Variants in DMD observed in about 807,000 individuals in gnomAD.
DMD encodes dystrophin, also known as mutant dystrophin.
A neutral mutation model predicts 330.1 loss-of-function variants in DMD; 63 were observed. The ratio of observed to expected loss-of-function variants is 0.19; its 90% confidence interval spans 0.16 to 0.24. The LOEUF (loss-of-function observed/expected upper bound fraction) is 0.24, where lower values mean the gene tolerates loss of function less well. Among genes scored for constraint, DMD ranks in the 10% least tolerant of loss-of-function variants. The pLI is 1.00. For synonymous variants in DMD, 1,223 were observed against 959.8 expected, an observed-to-expected ratio of 1.27 and a Z score of -5.07; for missense variants, 3,344 against 2,684.1, an observed-to-expected ratio of 1.25 and a Z score of -5.43.
intron 26 of DMD, among the ~76,000 whole-genome samples, chrX:32,450,387 T>C (rs766491967): frequency 2.7e-5 from 3 of 111,590 alleles, no homozygotes; most frequent in South Asian, 7.3e-4. Flanking sequence ...TTTTAATTGA[T>C]TGAAATCTTT....
At chrX:33,006,018 A>G (rs2093388541) in intron 2 of DMD, among the ~76,000 whole-genome samples, 1 of 111,726 alleles carries the variant, frequency 9.0e-6, no homozygotes, top group Non-Finnish European at 1.9e-5. Flanking sequence ...TTTCAAAAAT[A>G]AAATACTGAG....
chrX:31,749,204 A>G (rs997159645), intron 51 of DMD, among the ~76,000 whole-genome samples: 2 of 108,475 alleles, frequency 1.8e-5, no homozygotes, highest in Non-Finnish European at 3.8e-5. Flanking sequence ...CAGGTTAGTT[A>G]CATATGTATA....
chrX:31,854,572 A>G (rs746327658), intron 48 of DMD, among the ~76,000 whole-genome samples: 3 of 111,859 alleles, frequency 2.7e-5, no homozygotes, highest in Non-Finnish European at 3.8e-5. Context: ...ACGAAAGGTC[A>G]GAAACTTGCC....
intron 41 of DMD, among the ~76,000 whole-genome samples, chrX:32,322,881 CATG>C (rs778432858): frequency 3.6e-5 from 4 of 111,933 alleles, no homozygotes; most frequent in Non-Finnish European, 5.6e-5. Context: ...ATAAATCCAT[CATG>C]ATGACTGCAA....
intron 2 of DMD, among the ~76,000 whole-genome samples, chrX:32,900,227 G>C (rs756381177): frequency 1.1e-4 from 12 of 111,983 alleles, no homozygotes; most frequent in Non-Finnish European, 1.9e-4. Context: ...TGGTAAAATT[G>C]TGTTGGTATG....
At chrX:32,062,917 GA>G (rs11418420) in intron 44 of DMD, among the ~76,000 whole-genome samples, 8 of 105,958 alleles carry the variant, frequency 7.6e-5, no homozygotes, top group Admixed American at 2.0e-4. Context: ...TTATTGAAAG[GA>G]AAAAAAAACA....
chrX:32,588,406 T>C (rs2054526630), intron 13 of DMD, among the ~76,000 whole-genome samples: 1 of 111,810 alleles, frequency 8.9e-6, no homozygotes, highest in Non-Finnish European at 1.9e-5. Context: ...AGCAGAGTCG[T>C]CTGTTTAAAC....
chrX:32,273,247 T>G (rs1265512075), intron 43 of DMD, among the ~76,000 whole-genome samples: 4 of 108,260 alleles, frequency 3.7e-5, no homozygotes, highest in Non-Finnish European at 1.9e-5. Flanking sequence ...AAGACAAAGT[T>G]GCCCTTTTTA....
intron 46 of DMD, among the ~76,000 whole-genome samples, chrX:31,931,092 G>A (rs758990626): frequency 8.9e-6 from 1 of 111,901 alleles, no homozygotes; most frequent in African/African-American, 3.2e-5. Context: ...TAAAGCACCT[G>A]AATCATTGAT....
intron 41 of DMD, among the ~76,000 whole-genome samples, chrX:32,332,413 A>AGTGTGTGTGAGTGTGT (rs1557283126): frequency 1.0e-5 from 1 of 95,342 alleles, no homozygotes; most frequent in African/African-American, 3.9e-5. Context: ...ATGGATAAAA[A>AGTGTGTGTGAGTGTGT]GTGTGTGTGT....
At chrX:32,379,040 TAAA>T (rs5902029) in intron 34 of DMD, among the ~76,000 whole-genome samples, 2 of 99,884 alleles carry the variant, frequency 2.0e-5, no homozygotes, top group African/African-American at 3.6e-5. Flanking sequence ...AATAAATTGG[TAAA>T]AAAAAAAAAA....
intron 41 of DMD, among the ~76,000 whole-genome samples, chrX:32,328,126 A>T (rs1291146670): frequency 9.0e-6 from 1 of 111,593 alleles, no homozygotes; most frequent in African/African-American, 3.2e-5. Context: ...AAGCATGCAT[A>T]ATAACATTAA....
chrX:32,831,250 A>G (rs2079124849), intron 4 of DMD, among the ~76,000 whole-genome samples: 1 of 110,407 alleles, frequency 9.1e-6, no homozygotes, highest in African/African-American at 3.3e-5. Flanking sequence ...TGTAATTTCT[A>G]CCATCGTCAA....
intron 11 of DMD, among the ~76,000 whole-genome samples, chrX:32,643,081 T>A (rs1419450538): frequency 1.8e-5 from 2 of 111,118 alleles, no homozygotes. Context: ...ATAATATGAT[T>A]ATTGTACCTC....
chrX:32,517,207 T>A (rs1297774378), intron 18 of DMD: 1 of 111,924 alleles, frequency 8.9e-6, no homozygotes, highest in Non-Finnish European at 1.9e-5. Context: ...TGGATAAAAT[T>A]ACTTTTCATT....
intron 1 of DMD, among the ~76,000 whole-genome samples, chrX:33,197,802 G>A (rs1465914370): frequency 1.8e-5 from 2 of 110,956 alleles, no homozygotes; most frequent in Non-Finnish European, 3.8e-5. Context: ...AGTATTTAGT[G>A]GTATGAGTAT....
At chrX:32,544,973 T>C (rs1404420083) in intron 17 of DMD, among the ~76,000 whole-genome samples, 186 bp downstream of exon 17, 3 of 111,891 alleles carry the variant, frequency 2.7e-5, no homozygotes, top group Non-Finnish European at 5.6e-5. Flanking sequence ...ATTTACTTTC[T>C]GTTGCGATAG....
In DMD at chrX:31,417,287, TTTTC is replaced by T. The variant is rs1366670830; in HGVS notation, c.9084+27190_9084+27193del. On this transcript the variant is annotated intron_variant, in intron 60 of 78. Coordinates refer to ENST00000357033, the MANE Select transcript of DMD (RefSeq NM_004006.3). ...CTATAATTTCTTTTTTCTTTTCTTT[TTTTC>T]TTTTTTTTCTTTTTTTTTTGAGACG... is the stretch of plus-strand genomic sequence containing the variant. 4.2e-3 allele frequency among the ~76,000 whole-genome samples: 461 copies of T among 111,061 alleles called. 3 individuals carry two copies. Among genetic ancestry groups the T allele is most frequent in the African/African-American group, 9.7e-3 (296 of 30,549 alleles).
At chrX:33,170,090 T>C (rs2049262112) in intron 1 of DMD, among the ~76,000 whole-genome samples, 1 of 111,415 alleles carries the variant, frequency 9.0e-6, no homozygotes. Context: ...CTCTCACAAG[T>C]TGAGTATGTA....
Sources: gnomAD v4.1 joint callset for allele counts (sites outside exome capture counted in the v4.1 genomes callset) on GRCh38, gnomAD v4.1.1 for gene constraint, MANE v1.5 for transcripts, NCBI Gene and HGNC (gene_info 2026-07-23, HGNC 2026-07-21) for gene names.